NECTIN2: variants seen among roughly 807,000 people sequenced by gnomAD.
NECTIN2 encodes the protein nectin-2.
In NECTIN2, 23 loss-of-function variants were observed where a neutral mutation model predicts 56.9. The observed-to-expected ratio is 0.40, with a 90% CI of 0.29 to 0.57. The LOEUF (loss-of-function observed/expected upper bound fraction) is 0.57. NECTIN2 is among the 20% of genes least tolerant of loss of function. The pLI is 0.38. For missense variants in NECTIN2, 587 were observed against 718.3 expected (o/e 0.82, Z 2.09); for synonymous variants, 302 against 313.8 (o/e 0.96, Z 0.40).
At chr19:44,855,286 G>A (rs1470444078) in intron 1 of NECTIN2, among the ~76,000 whole-genome samples, 1 of 150,672 alleles carries the variant, frequency 6.6e-6, no homozygotes, top group South Asian at 2.1e-4. Context: ...TTAGCAGAGC[G>A]TGGTGGCGGG....
At chr19:44,854,473 G>A (rs1241963785) in intron 1 of NECTIN2, among the ~76,000 whole-genome samples, 1 of 152,102 alleles carries the variant, frequency 6.6e-6, no homozygotes, top group African/African-American at 2.4e-5. Context: ...CCCTTAGAAG[G>A]AAGATCTGGG....
chr19:44,846,652 C>T (rs991367935), intron 1 of NECTIN2, 39 bp downstream of exon 1: 5 of 1,512,212 alleles, frequency 3.3e-6, no homozygotes, highest in Admixed American at 2.0e-5. Flanking sequence ...CGCGCGGACC[C>T]CCTCCAACCT....
In NECTIN2 at chr19:44,873,636, AACAC is replaced by A. The variant is rs34606745; in HGVS notation, c.776-260_776-257del. Among the ~76,000 whole-genome samples, 6 of 149,854 alleles carry A rather than the reference AACAC, an allele frequency of 4.0e-5. No individual in the cohort carries two copies. The South Asian group carries it at 8.5e-4, about 21-fold the overall frequency. ...CAACAGAGCAAGATCCTGTCTCAAAAACACACACACACACACACACACATTATTT... is the reference window on the plus strand; with the variant it reads ...CAACAGAGCAAGATCCTGTCTCAAAAACACACACACACACACACATTATTT... On this transcript the variant is annotated intron_variant, in intron 3 of 8. Transcript: ENST00000252483.
At chr19:44,856,280 C>T (rs1157645797) in intron 1 of NECTIN2, among the ~76,000 whole-genome samples, 1 of 152,174 alleles carries the variant, frequency 6.6e-6, no homozygotes, top group African/African-American at 2.4e-5. Flanking sequence ...CTGGGTGATA[C>T]AGCGAGAATG....
intron 1 of NECTIN2, among the ~76,000 whole-genome samples, chr19:44,847,159 C>G (rs1968845865): frequency 6.6e-6 from 1 of 152,150 alleles, no homozygotes; most frequent in African/African-American, 2.4e-5. Context: ...CCTTGGAGGG[C>G]TAAGGATAAG....
At chr19:44,886,828 C>A (rs1193952723) in intron 8 of NECTIN2, among the ~76,000 whole-genome samples, 2 of 151,582 alleles carry the variant, frequency 1.3e-5, no homozygotes, top group Non-Finnish European at 2.9e-5. Context: ...ACCCCTTGAG[C>A]CTAGGAGCTC....
intron 2 of NECTIN2, among the ~76,000 whole-genome samples, chr19:44,868,950 C>G (rs1380712764): frequency 1.3e-5 from 2 of 151,876 alleles, no homozygotes; most frequent in Non-Finnish European, 1.5e-5. Context: ...CCTGGGAGCC[C>G]ACCTTCCCTA....
In NECTIN2 at chr19:44,871,903, C is replaced by A; in HGVS notation, c.529C>A (p.Pro177Thr). 1 of 1,614,174 alleles carries A rather than the reference C, an allele frequency of 6.2e-7. No homozygotes were observed. The highest frequency in any genetic ancestry group is 8.5e-7 in the Non-Finnish European group (1 of 1,180,042). The change falls in exon 3 of 9, where the codon CCT becomes ACT. Residue 177 changes from proline to threonine, a missense_variant. Physicochemically the swap from Pro to Thr is conservative, Grantham distance 38. Coordinates refer to ENST00000252483, the MANE Select transcript of NECTIN2 (RefSeq NM_001042724.2). ...EAQKVTFSQD[P>T]TTVALCISKE... ...CCAGAAGGTCACGTTCAGCCAGGAC[C>A]CTACGACAGTGGCCCTCTGCATCTC... is the stretch of plus-strand genomic sequence containing the variant.
chr19:44,866,532 T>C (rs1293407453), intron 2 of NECTIN2, among the ~76,000 whole-genome samples: 1 of 151,974 alleles, frequency 6.6e-6, no homozygotes, highest in Non-Finnish European at 1.5e-5. Context: ...AGGAGCCCTC[T>C]GGGTATCTAA....
At position 44,865,198 on chromosome 19, in the gene NECTIN2, G is replaced by C. The variant is rs1054755945; in HGVS notation, c.89-73G>C. 1.2e-5 allele frequency: 18 copies of C among 1,458,564 alleles called. No individual in the cohort carries two copies. In the Admixed American group the frequency reaches 2.4e-4, roughly 20 times the overall value. 90.4% of individuals were successfully genotyped at this position (1,458,564 alleles called of 1,614,324 possible). On this transcript the variant is annotated intron_variant, in intron 1 of 8. Transcript: ENST00000252483. This position sits in a 1 kb window ranked among gnomAD's most constrained non-coding sequence, Gnocchi z 5.2. ...CTGCATTTCCCGTGGGGCCCCCTTC[G>C]TGGTGGCCCTGCCTGGAGGTGTCTG... is the stretch of plus-strand genomic sequence containing the variant.
chr19:44,847,432 G>A (rs1409952466), intron 1 of NECTIN2, among the ~76,000 whole-genome samples: 1 of 152,160 alleles, frequency 6.6e-6, no homozygotes, highest in African/African-American at 2.4e-5. Flanking sequence ...AGAACCGGGG[G>A]ACAGGAGACT....
In NECTIN2 at chr19:44,886,017, G is replaced by A; in HGVS notation, c.1260+17G>A. The A allele has an allele frequency of 6.3e-7, 1 of 1,593,796 alleles. No individual in the cohort carries two copies. The highest frequency in any genetic ancestry group is 8.6e-7 in the Non-Finnish European group (1 of 1,161,688). ...CAGGAGATGGTGAGCACTTTCCCTGGAGCCCAAGCTATCCCCACCTCCACA... is the reference window on the plus strand; with the variant it reads ...CAGGAGATGGTGAGCACTTTCCCTGAAGCCCAAGCTATCCCCACCTCCACA... On this transcript the variant is annotated intron_variant, in intron 7 of 8. Transcript: ENST00000252483.
intron 6 of NECTIN2, among the ~76,000 whole-genome samples, chr19:44,883,959 A>G (rs959991230): frequency 6.6e-6 from 1 of 152,028 alleles, no homozygotes; most frequent in African/African-American, 2.4e-5. Context: ...TCTACAAAAA[A>G]AATACAAAAA....
rs975028165 is a variant in NECTIN2, at chr19:44,888,292, C to T, written c.1530C>T (p.Asn510=). 1.2e-6 allele frequency: 2 copies of T among 1,614,042 alleles called. No homozygotes were observed. The stretch of plus-strand genomic sequence containing the variant: ...AGGAAGAGTATCTGGACAAGATCAA[C>T]CCCATCTATGATGCTCTGTCCTATA... The part of the protein sequence containing the change: ...EEEEEYLDKI[N]PIYDALSYSS... Residue 510 remains asparagine (N), a synonymous_variant, in exon 9 of 9, where the codon AAC becomes AAT. Coordinates refer to ENST00000252483, the MANE Select transcript of NECTIN2 (RefSeq NM_001042724.2).
intron 5 of NECTIN2, among the ~76,000 whole-genome samples, chr19:44,881,118 G>C (rs995418381): frequency 6.6e-6 from 1 of 151,842 alleles, no homozygotes; most frequent in Non-Finnish European, 1.5e-5. Flanking sequence ...ATGAGGTCTT[G>C]TGCTCGTTGC....
intron 2 of NECTIN2, among the ~76,000 whole-genome samples, chr19:44,869,940 T>C (rs1051729357): frequency 1.6e-4 from 24 of 152,042 alleles, no homozygotes; most frequent in Non-Finnish European, 2.9e-4. Context: ...AGCAAGACTC[T>C]GTCTCAAATT....
chr19:44,871,880 A>G lies in NECTIN2; in HGVS notation c.506A>G (p.Gln169Arg). The change falls in exon 3 of 9, where the codon CAG (glutamine) becomes CGG (arginine). Residue 169 changes from glutamine (Q) to arginine (R), a missense_variant. Coordinates refer to ENST00000252483, the MANE Select transcript of NECTIN2 (RefSeq NM_001042724.2). Reference protein sequence around the residue: ...IAKPKNQAEAQKVTFSQDPTT... With the variant: ...IAKPKNQAEARKVTFSQDPTT... ...AAGCCCAAGAACCAAGCTGAGGCCCAGAAGGTCACGTTCAGCCAGGACCCT... is the reference window on the plus strand; with the variant it reads ...AAGCCCAAGAACCAAGCTGAGGCCCGGAAGGTCACGTTCAGCCAGGACCCT... The G allele has an allele frequency of 6.2e-7, 1 of 1,613,826 alleles. No homozygotes were observed.
intron 3 of NECTIN2, among the ~76,000 whole-genome samples, chr19:44,873,204 C>T (rs1280580100): frequency 6.6e-6 from 1 of 152,112 alleles, no homozygotes; most frequent in Non-Finnish European, 1.5e-5. Context: ...AAGTCTACAC[C>T]AGCTCCCCCA....
intron 1 of NECTIN2, among the ~76,000 whole-genome samples, chr19:44,864,918 A>T (rs1453946478): frequency 6.6e-6 from 1 of 152,100 alleles, no homozygotes; most frequent in African/African-American, 2.4e-5. Context: ...TTTTTGCTGA[A>T]CCATTTAGGA....
Sources: allele counts gnomAD v4.1 joint callset (sites outside exome capture counted in the v4.1 genomes callset), GRCh38; gene constraint gnomAD v4.1.1; non-coding constraint Gnocchi (gnomAD v3.1); transcripts MANE v1.5; gene names NCBI Gene and HGNC (gene_info 2026-07-23, HGNC 2026-07-21).